The following HIVEP3 variants were observed in gnomAD, a reference collection of about 807,000 sequenced individuals.
The protein encoded by HIVEP3 is HIVEP zinc finger 3, also known as transcription factor HIVEP3.
HIVEP3 carries 49 observed loss-of-function variants against 152.8 expected under a neutral mutation model. The observed-to-expected ratio is 0.32, with a 90% CI of 0.26 to 0.41. The LOEUF is 0.41. Ranked by LOEUF, HIVEP3 falls within the 10% of genes least tolerant of loss-of-function variation. The pLI is 1.00. For synonymous variants in HIVEP3, 1,269 were observed against 1,289.0 expected (o/e 0.98, Z 0.33); for missense variants, 2,790 against 3,103.3 (o/e 0.90, Z 2.40).
At chr1:41,959,802 T>C (rs1645159675) in intron 1 of HIVEP3, among the ~76,000 whole-genome samples, 1 of 152,168 alleles carries the variant, frequency 6.6e-6, no homozygotes, top group African/African-American at 2.4e-5. Flanking sequence ...TAGAGATGTG[T>C]CCACCAAGGA....
chr1:41,545,131 CTACCACCAT>C, intron 5 of HIVEP3, among the ~76,000 whole-genome samples: 1 of 139,804 alleles, frequency 7.2e-6, no homozygotes, highest in Non-Finnish European at 1.5e-5. Flanking sequence ...ATCATCACCA[CTACCACCAT>C]CACCACCAAC....
At chr1:41,714,373 A>T (rs1213505656) in intron 1 of HIVEP3, among the ~76,000 whole-genome samples, 1 of 152,206 alleles carries the variant, frequency 6.6e-6, no homozygotes, top group African/African-American at 2.4e-5. Context: ...CATGGGTACC[A>T]TGCCACCTTC....
At chr1:41,982,960 C>T (rs1024617560) in intron 1 of HIVEP3, among the ~76,000 whole-genome samples, 10 of 152,192 alleles carry the variant, frequency 6.6e-5, no homozygotes, top group Non-Finnish European at 1.3e-4. Context: ...TTCCATAGAC[C>T]GGTAGCAGGG....
At chr1:41,845,993 G>T (rs952884208) in intron 1 of HIVEP3, among the ~76,000 whole-genome samples, 1 of 152,160 alleles carries the variant, frequency 6.6e-6, no homozygotes, top group Non-Finnish European at 1.5e-5. Flanking sequence ...CTTGAACCCG[G>T]GAGACAGTTG....
chr1:41,580,218 C>A lies in HIVEP3; in HGVS notation c.4580G>T (p.Gly1527Val). 1 of 1,612,496 alleles carries A rather than the reference C, an allele frequency of 6.2e-7. No individual in the cohort carries two copies. Among genetic ancestry groups the A allele is most frequent in the Non-Finnish European group, 8.5e-7 (1 of 1,179,168 alleles). The change falls in exon 4 of 9, where the codon GGC (glycine) becomes GTC (valine). Residue 1527 changes from glycine (G) to valine (V), a missense_variant. Gly to Val is a moderately radical substitution (Grantham distance 109). Coordinates refer to ENST00000372583, the MANE Select transcript of HIVEP3 (RefSeq NM_024503.5). ...HPALSHGTAP[G>V]SEALKEYPQP... Reference sequence around the variant, plus strand: ...GGGATATTCCTTCAAAGCTTCTGAGCCTGGGGCTGTCCCATGGGACAATGC... The same window carrying A: ...GGGATATTCCTTCAAAGCTTCTGAGACTGGGGCTGTCCCATGGGACAATGC...
chr1:42,024,339 T>C (rs1353377408), intron 1 of HIVEP3, among the ~76,000 whole-genome samples: 1 of 152,216 alleles, frequency 6.6e-6, no homozygotes, highest in Non-Finnish European at 1.5e-5. Flanking sequence ...TTTGACAGTA[T>C]ATAGTTTTCC....
rs10159278 is a variant in HIVEP3 at position 42,000,530 on chromosome 1, T to A, written n.119+35277A>T. Among the ~76,000 whole-genome samples the A allele has an allele frequency of 4.2e-3, 634 of 151,698 alleles. 4 individuals carry two copies. The highest frequency in any genetic ancestry group is 0.015 in the African/African-American group (610 of 41,338). ...AAGGAGAAAGAGGAGGATGGGAGAG[T>A]ATGCTCAGTACATGACAGCTATAAC... On this transcript the variant is annotated intron_variant and non_coding_transcript_variant, in intron 1 of 3. Transcript: ENST00000489103.
At position 41,579,888 on chromosome 1, in the gene HIVEP3, G is replaced by C; in HGVS notation, c.4910C>G (p.Pro1637Arg). The change falls in exon 4 of 9, where the codon CCC (proline) becomes CGC (arginine). Residue 1637 changes from proline (P) to arginine (R), a missense_variant. Pro to Arg is a moderately radical substitution (Grantham distance 103). Transcript: ENST00000372583. Reference protein sequence around the residue: ...YAGWCISLYNPNLPGVSTKAA... With the variant: ...YAGWCISLYNRNLPGVSTKAA... ...TTTAGTGGAAACCCCCGGAAGGTTG[G>C]GGTTGTACAAACTTATGCACCAACC... 1 of 1,614,192 alleles carries C rather than the reference G, an allele frequency of 6.2e-7. No individual in the cohort carries two copies. The highest frequency in any genetic ancestry group is 8.5e-7 in the Non-Finnish European group (1 of 1,180,024).
At chr1:41,784,936 T>G (rs972098723) in intron 1 of HIVEP3, among the ~76,000 whole-genome samples, 1 of 152,180 alleles carries the variant, frequency 6.6e-6, no homozygotes, top group African/African-American at 2.4e-5. Context: ...TGTCTCCACA[T>G]GGAGATACAC....
At chr1:41,586,056 G>C (rs1394640479) in intron 3 of HIVEP3, among the ~76,000 whole-genome samples, 3 of 152,194 alleles carry the variant, frequency 2.0e-5, no homozygotes, top group Non-Finnish European at 4.4e-5. Context: ...GTGACCATTT[G>C]CTTGATCCAA....
chr1:41,867,940 C>A (rs1339736935), intron 1 of HIVEP3, among the ~76,000 whole-genome samples: 3 of 143,028 alleles, frequency 2.1e-5, no homozygotes, highest in Non-Finnish European at 4.6e-5. Context: ...CCCTCCCCTT[C>A]CAAAAGCTCC....
At chr1:41,823,802 A>T (rs992261646) in intron 1 of HIVEP3, among the ~76,000 whole-genome samples, 1 of 152,170 alleles carries the variant, frequency 6.6e-6, no homozygotes, top group Non-Finnish European at 1.5e-5. Flanking sequence ...TTCTGGTGTC[A>T]CTGGGGGTAC....
At chr1:41,701,568 T>A (rs976885809) in intron 1 of HIVEP3, among the ~76,000 whole-genome samples, 6 of 152,178 alleles carry the variant, frequency 3.9e-5, no homozygotes, top group African/African-American at 9.7e-5. Flanking sequence ...GGCAAAGCAC[T>A]TTGGTTAAGC....
intron 3 of HIVEP3, among the ~76,000 whole-genome samples, chr1:41,594,336 C>T (rs1644632964): frequency 6.6e-6 from 1 of 152,186 alleles, no homozygotes; most frequent in African/African-American, 2.4e-5. Context: ...AATTCTCCTG[C>T]CTCAGCCTCC....
intron 1 of HIVEP3, among the ~76,000 whole-genome samples, chr1:41,980,740 G>A (rs61236896): frequency 0.013 from 1,909 of 152,286 alleles, 35 homozygotes; most frequent in African/African-American, 0.044. Flanking sequence ...GAATGGAACC[G>A]TCTGAGGGCC....
At chr1:41,571,005 C>T (rs1644244301) in intron 5 of HIVEP3, among the ~76,000 whole-genome samples, 1 of 152,070 alleles carries the variant, frequency 6.6e-6, no homozygotes, top group South Asian at 2.1e-4. Flanking sequence ...TCTCCTGGCC[C>T]AGGAGAGTGG....
intron 1 of HIVEP3, among the ~76,000 whole-genome samples, chr1:41,904,772 G>T (rs1400448479): frequency 6.6e-6 from 1 of 152,192 alleles, no homozygotes; most frequent in Non-Finnish European, 1.5e-5. Flanking sequence ...AAAATGGCCA[G>T]ACCCAGGAAG....
intron 1 of HIVEP3, among the ~76,000 whole-genome samples, chr1:41,764,927 C>T (rs1228794284): frequency 6.6e-6 from 1 of 152,172 alleles, no homozygotes; most frequent in Non-Finnish European, 1.5e-5. Flanking sequence ...AACTCAGGGC[C>T]ATCATCACAG....
intron 2 of HIVEP3, among the ~76,000 whole-genome samples, chr1:41,646,915 G>A (rs1355234283): frequency 6.6e-6 from 1 of 152,144 alleles, no homozygotes; most frequent in African/African-American, 2.4e-5. Flanking sequence ...GAGGCTCCAG[G>A]GAAGAATCTG....
Sources: gnomAD v4.1 joint callset for allele counts (sites outside exome capture counted in the v4.1 genomes callset) on GRCh38, gnomAD v4.1.1 for gene constraint, MANE v1.5 for transcripts, NCBI Gene and HGNC (gene_info 2026-07-23, HGNC 2026-07-21) for gene names.